Variants in MMP11 observed in about 807,000 individuals in gnomAD.
MMP11 encodes the protein stromelysin-3.
A neutral mutation model predicts 49.5 loss-of-function variants in MMP11; 26 were observed. The ratio of observed to expected loss-of-function variants is 0.52; its 90% CI spans 0.38 to 0.73. MMP11 has a LOEUF of 0.73. MMP11 is among the 30% of genes least tolerant of loss of function. MMP11 has a pLI of 0.00. For missense variants in MMP11, 624 were observed against 671.2 expected (o/e 0.93, Z 0.78); for synonymous variants, 265 against 282.3 (o/e 0.94, Z 0.62).
At chr22:23,782,619 C>A in intron 7 of MMP11, 136 bp downstream of exon 7, 2 of 1,124,010 alleles carry the variant, frequency 1.8e-6, no homozygotes, top group Non-Finnish European at 2.5e-6. Flanking sequence ...GAGCCATCTG[C>A]CCTCCTCTCG....
chr22:23,778,966 T>C (rs1927511502), intron 1 of MMP11, among the ~76,000 whole-genome samples: 1 of 152,012 alleles, frequency 6.6e-6, no homozygotes, highest in Admixed American at 6.6e-5. Flanking sequence ...CCCTCCACGA[T>C]GTGGGGGACA....
At chr22:23,778,879 A>G (rs184291252) in intron 1 of MMP11, among the ~76,000 whole-genome samples, 1 of 152,176 alleles carries the variant, frequency 6.6e-6, no homozygotes, top group South Asian at 2.1e-4. Context: ...TGTATGGCTC[A>G]TAGCCAGTCC....
rs933617947 is a variant in MMP11, at chr22:23,780,009, G to A, written c.339-350G>A. 1 of 346,538 alleles carries A rather than the reference G, an allele frequency of 2.9e-6. No homozygotes were observed. The highest frequency in any genetic ancestry group is 2.1e-5 in the African/African-American group (1 of 48,630). 21.5% of individuals were successfully genotyped at this position (346,538 alleles called of 1,614,324 possible). A position where few individuals can be genotyped will look rare whatever the true frequency, so the allele number is the denominator to read the frequency against. On this transcript the variant is annotated intron_variant, in intron 2 of 7. Coordinates refer to ENST00000215743, the MANE Select transcript of MMP11 (RefSeq NM_005940.5). The surrounding 1 kb of genome is among the most constrained non-coding windows in gnomAD (Gnocchi z 4.6). ...CACACAGCATTGGAGCTGAGACTGG[G>A]GTCTTTAGAATTTCCTAGGTGGGGG... is the stretch of plus-strand genomic sequence containing the variant.
At chr22:23,777,053 T>C (rs1187503334) in intron 1 of MMP11, among the ~76,000 whole-genome samples, 2 of 149,594 alleles carry the variant, frequency 1.3e-5, no homozygotes, top group African/African-American at 2.4e-5. Context: ...ATGATCCGCC[T>C]GCCTCGGCCT....
chr22:23,774,350 G>A (rs28363619), intron 1 of MMP11, among the ~76,000 whole-genome samples: 128 of 152,290 alleles, frequency 8.4e-4, no homozygotes, highest in African/African-American at 2.8e-3. Context: ...CTTGGGGTGG[G>A]GTCTGAGCTG....
At chr22:23,775,599 C>G (rs1179468590) in intron 1 of MMP11, among the ~76,000 whole-genome samples, 1 of 152,252 alleles carries the variant, frequency 6.6e-6, no homozygotes, top group East Asian at 1.9e-4. Flanking sequence ...TCATTTCTAG[C>G]ATCTCCTGCT....
chr22:23,781,532 TG>T, intron 6 of MMP11, 123 bp downstream of exon 6: 1 of 946,332 alleles, frequency 1.1e-6, no homozygotes, highest in Non-Finnish European at 1.6e-6. Context: ...CCCCAAAGCC[TG>T]GGGGCCGAGG....
In MMP11 at chr22:23,780,467, C is replaced by T. The variant is rs1363260245; in HGVS notation, c.447C>T (p.His149=). The change falls in exon 3 of 8, where the codon CAC becomes CAT. Residue 149 remains histidine, a synonymous_variant. Coordinates refer to ENST00000215743, the MANE Select transcript of MMP11 (RefSeq NM_005940.5). This position sits in a 1 kb window ranked among gnomAD's most constrained non-coding sequence, Gnocchi z 4.6. The part of the protein sequence containing the change: ...DVTPLTFTEV[H]EGRADIMIDF... Reference sequence around the variant, plus strand: ...CGCCACTCACCTTTACTGAGGTGCACGAGGGCCGTGCTGACATCATGATCG... The same window carrying T: ...CGCCACTCACCTTTACTGAGGTGCATGAGGGCCGTGCTGACATCATGATCG... The T allele has an allele frequency of 7.4e-6, 12 of 1,613,868 alleles. No individual in the cohort carries two copies. The highest frequency in any genetic ancestry group is 5.5e-5 in the South Asian group (5 of 91,088).
Position 23,780,368 on chromosome 22 carries a change from G to A in MMP11, c.348G>A (p.Arg116=). 6.2e-7 allele frequency: 1 copy of A among 1,613,038 alleles called. No individual in the cohort carries two copies. The highest frequency in any genetic ancestry group is 1.1e-5 in the South Asian group (1 of 91,032). ...EKTDLTYRIL[R]FPWQLVQEQV... ...CTCCATCTCCCTCCAGGATCCTTCGGTTCCCATGGCAGTTGGTGCAGGAGC... is the reference window on the plus strand; with the variant it reads ...CTCCATCTCCCTCCAGGATCCTTCGATTCCCATGGCAGTTGGTGCAGGAGC... The change falls in exon 3 of 8, where the codon CGG becomes CGA. Residue 116 remains arginine (R), a synonymous_variant. Coordinates refer to ENST00000215743, the MANE Select transcript of MMP11 (RefSeq NM_005940.5). The surrounding 1 kb of genome is among the most constrained non-coding windows in gnomAD (Gnocchi z 4.6).
In MMP11 at chr22:23,781,297, G is replaced by A. The variant is rs1293945290; in HGVS notation, c.963G>A (p.Gly321=). Residue 321 remains glycine (G), a synonymous_variant, in exon 6 of 8, where the codon GGG becomes GGA. Transcript: ENST00000215743. Reference sequence around the variant, plus strand: ...CGGGCTTTGTGTGGCGCCTCCGTGGGGGCCAGCTGCAGCCCGGCTACCCAG... The same window carrying A: ...CGGGCTTTGTGTGGCGCCTCCGTGGAGGCCAGCTGCAGCCCGGCTACCCAG... ...FKAGFVWRLR[G]GQLQPGYPAL... 6.2e-7 allele frequency: 1 copy of A among 1,612,748 alleles called. No homozygotes were observed. Among genetic ancestry groups the A allele is most frequent in the Non-Finnish European group, 8.5e-7 (1 of 1,180,010 alleles).
intron 1 of MMP11, among the ~76,000 whole-genome samples, chr22:23,773,989 G>C (rs945648404): frequency 2.6e-5 from 4 of 152,226 alleles, no homozygotes; most frequent in African/African-American, 9.6e-5. Context: ...TGGGATGGGT[G>C]GGGTAGAGTG....
At chr22:23,781,934 G>T (rs1457345038) in intron 6 of MMP11, 1 of 671,164 alleles carries the variant, frequency 1.5e-6, no homozygotes, top group Non-Finnish European at 2.8e-6. Flanking sequence ...TGGTCAGTAG[G>T]CATTTGTCAC....
chr22:23,780,618 TG>T lies in MMP11; in HGVS notation c.524del (p.Gly175AlafsTer58). On this transcript the variant is annotated frameshift_variant, in exon 4 of 8. Transcript: ENST00000215743. LOFTEE classifies it high-confidence loss of function. This position sits in a 1 kb window ranked among gnomAD's most constrained non-coding sequence, Gnocchi z 4.6. ...HGDDLPFDGP[G>X]GILAHAFFPK... ...GGGACGACCTGCCGTTTGATGGGCCTGGGGGCATCCTGGCCCATGCCTTCTT... is the reference window on the plus strand; with the variant it reads ...GGGACGACCTGCCGTTTGATGGGCCTGGGGCATCCTGGCCCATGCCTTCTT... 1.3e-6 allele frequency: 2 copies of T among 1,595,484 alleles called. No homozygotes were observed.
At position 23,773,128 on chromosome 22, in the gene MMP11, A is replaced by T. The variant is rs139613154; in HGVS notation, c.108+150A>T. On this transcript the variant is annotated intron_variant, in intron 1 of 7. Transcript: ENST00000215743. ...CGCTTTCTGGTTCCCTCTAGGCGTGATAGACAGCGAGCTTGCAGTCCCTGG... is the reference window on the plus strand; with the variant it reads ...CGCTTTCTGGTTCCCTCTAGGCGTGTTAGACAGCGAGCTTGCAGTCCCTGG... The T allele has an allele frequency of 1.4e-3, 1,306 of 958,462 alleles. 13 individuals are homozygous for T. The African/African-American group carries it at 0.02, about 15-fold the overall frequency. 59.4% of individuals were successfully genotyped at this position (958,462 alleles called of 1,614,324 possible).
intron 1 of MMP11, 89 bp from the exon 2 acceptor site, chr22:23,779,098 C>A: frequency 9.5e-7 from 1 of 1,054,986 alleles, no homozygotes; most frequent in Non-Finnish European, 1.4e-6. Flanking sequence ...GCTGGGGTTG[C>A]ACGTGTGTTT....
chr22:23,781,457 A>G (rs1251858418), intron 6 of MMP11, 48 bp downstream of exon 6: 1 of 1,508,824 alleles, frequency 6.6e-7, no homozygotes, highest in African/African-American at 1.4e-5. Context: ...AGAGCCAGGA[A>G]TGTTATGGCC....
At chr22:23,779,855 GT>G (rs1200509838) in intron 2 of MMP11, 16 of 265,396 alleles carry the variant, frequency 6.0e-5, no homozygotes, top group Non-Finnish European at 7.2e-6. Flanking sequence ...GGTGGAGACA[GT>G]GGTAAGCGGG....
chr22:23,781,594 T>C (rs1927636915), intron 6 of MMP11, 185 bp downstream of exon 6: 1 of 647,764 alleles, frequency 1.5e-6, no homozygotes, highest in African/African-American at 1.8e-5. Context: ...TTCTCGGAGG[T>C]GGCTCTTGAG....
chr22:23,781,643 G>A (rs1047260536), intron 6 of MMP11: 12 of 638,292 alleles, frequency 1.9e-5, no homozygotes, highest in South Asian at 1.6e-4. Context: ...GTGGGGCCTC[G>A]TGTTGGTGCG....
Sources: gnomAD v4.1 joint callset for allele counts (sites outside exome capture counted in the v4.1 genomes callset) on GRCh38, gnomAD v4.1.1 for gene constraint, Gnocchi (gnomAD v3.1) non-coding constraint, MANE v1.5 for transcripts, NCBI Gene and HGNC (gene_info 2026-07-23, HGNC 2026-07-21) for gene names.